The following PIK3R4 variants were observed in gnomAD, a reference collection of about 807,000 sequenced individuals.
PIK3R4 encodes phosphoinositide-3-kinase regulatory subunit 4.
Under a neutral mutation model 136.5 loss-of-function variants are expected in PIK3R4, and 46 were observed. That is an observed-to-expected ratio of 0.34 (90% CI 0.27 to 0.43). PIK3R4 has a LOEUF of 0.43. Ranked by LOEUF, PIK3R4 falls within the 20% of genes least tolerant of loss-of-function variation. The pLI is 1.00. For synonymous variants in PIK3R4, 557 were observed against 566.7 expected (o/e 0.98, Z 0.24); for missense variants, 1,331 against 1,649.5 (o/e 0.81, Z 3.35).
In PIK3R4 at chr3:130,744,964, T is replaced by C. The variant is rs200861706; in HGVS notation, c.255A>G (p.Leu85=). 9.4e-5 allele frequency: 152 copies of C among 1,614,224 alleles called. No individual in the cohort carries two copies. Among genetic ancestry groups the C allele is most frequent in the African/African-American group, 7.7e-4 (58 of 75,054 alleles). Residue 85 remains leucine (L), a synonymous_variant, in exon 2 of 20, where the codon CTA becomes CTG. Coordinates refer to ENST00000356763, the MANE Select transcript of PIK3R4 (RefSeq NM_014602.3). ...KIRLNSAQNC[L]PFQKASEKAS... is the part of the protein sequence containing the mutation. ...CTTTTTCTGATGCTTTCTGGAAAGG[T>C]AGACAATTCTGTGCAGAATTAAGCC... is the stretch of plus-strand genomic sequence containing the variant.
chr3:130,743,463 T>C (rs139228866), intron 2 of PIK3R4, among the ~76,000 whole-genome samples: 1 of 152,202 alleles, frequency 6.6e-6, no homozygotes, highest in East Asian at 1.9e-4. Flanking sequence ...CAAATACATG[T>C]TGTACATCTT....
chr3:130,719,816 G>C (rs1481386521), intron 7 of PIK3R4, among the ~76,000 whole-genome samples: 1 of 152,054 alleles, frequency 6.6e-6, no homozygotes, highest in Non-Finnish European at 1.5e-5. Context: ...TATATCACTT[G>C]CTTTGGCCAA....
chr3:130,697,189 C>T (rs1241639632), intron 13 of PIK3R4, among the ~76,000 whole-genome samples: 1 of 151,282 alleles, frequency 6.6e-6, no homozygotes, highest in African/African-American at 2.4e-5. Context: ...CCCACCTCAG[C>T]CTCCCGAGTA....
chr3:130,716,457 G>T lies in PIK3R4; in HGVS notation c.2270C>A (p.Pro757His). 1 of 1,614,142 alleles carries T rather than the reference G, an allele frequency of 6.2e-7. No homozygotes were observed. The highest frequency in any genetic ancestry group is 8.5e-7 in the Non-Finnish European group (1 of 1,180,006). The part of the protein sequence containing the change: ...MRQKKRNGSL[P>H]DCPPPEDPAI... Reference sequence around the variant, plus strand: ...AGGATCCTCTGGCGGAGGGCAGTCGGGAAGAGAACCATTTCGTTTCTTCTG... The same window carrying T: ...AGGATCCTCTGGCGGAGGGCAGTCGTGAAGAGAACCATTTCGTTTCTTCTG... The change falls in exon 9 of 20, where the codon CCC (proline) becomes CAC (histidine). Residue 757 changes from proline (P) to histidine (H), a missense_variant. Pro to His is a moderately conservative substitution (Grantham distance 77, BLOSUM62 -2). This residue lies in a region of PIK3R4 where 1,180 missense variants were observed against 1,407.0 expected (regional missense o/e 0.84). Transcript: ENST00000356763.
At chr3:130,718,280 C>T (rs2066677846) in intron 8 of PIK3R4, 109 bp downstream of exon 8, 4 of 909,216 alleles carry the variant, frequency 4.4e-6, no homozygotes. Flanking sequence ...CATGCTATAG[C>T]CCAATTTAAA....
At position 130,744,577 on chromosome 3, in the gene PIK3R4, A is replaced by G. The variant is rs2066842458; in HGVS notation, c.642T>C (p.Tyr214=). ...CAAGCGGAGTTGAAGGATCTCTCAT[A>G]TATTCTAACTCAGTGGCAAACATCC... is the stretch of plus-strand genomic sequence containing the variant. ...DGGMFATELE[Y]MRDPSTPLVD... Residue 214 remains tyrosine, a synonymous_variant, in exon 2 of 20, where the codon TAT becomes TAC. Coordinates refer to ENST00000356763, the MANE Select transcript of PIK3R4 (RefSeq NM_014602.3). 6.2e-7 allele frequency: 1 copy of G among 1,614,106 alleles called. No individual in the cohort carries two copies.
At chr3:130,741,415 T>C (rs1322832722) in intron 2 of PIK3R4, among the ~76,000 whole-genome samples, 1 of 152,232 alleles carries the variant, frequency 6.6e-6, no homozygotes, top group Non-Finnish European at 1.5e-5. Flanking sequence ...ACCATCTCTA[T>C]GGTATTTTGT....
chr3:130,744,337 C>A (rs2066841246), intron 2 of PIK3R4, 149 bp downstream of exon 2: 3 of 789,356 alleles, frequency 3.8e-6, no homozygotes, highest in Non-Finnish European at 6.1e-6. Flanking sequence ...ATATCCAATG[C>A]AGGAATGCTG....
chr3:130,714,730 A>G (rs189579849), intron 9 of PIK3R4, among the ~76,000 whole-genome samples: 2 of 152,006 alleles, frequency 1.3e-5, no homozygotes. Flanking sequence ...GTGTTTGCTG[A>G]GGATGATGGC....
rs768728563 is a variant in PIK3R4, at chr3:130,728,561, C to T, written c.1709G>A (p.Arg570His). 1 of 1,613,426 alleles carries T rather than the reference C, an allele frequency of 6.2e-7. No individual in the cohort carries two copies. The highest frequency in any genetic ancestry group is 1.7e-5 in the Admixed American group (1 of 59,972). Reference sequence around the variant, plus strand: ...CAACAAAACATCGTTGGCTTTCTGACGTCCAAAGAATACACACAGCCGTGT... The same window carrying T: ...CAACAAAACATCGTTGGCTTTCTGATGTCCAAAGAATACACACAGCCGTGT... Reference protein sequence around the residue: ...GITRLCVFFGRQKANDVLLSH... With the variant: ...GITRLCVFFGHQKANDVLLSH... Residue 570 changes from arginine to histidine, a missense_variant, in exon 6 of 20, where the codon CGT becomes CAT. Around this residue, in one of 2 missense-constraint regions of PIK3R4, gnomAD observed 1,180 missense variants for 1,407.0 expected, o/e 0.84. Coordinates refer to ENST00000356763, the MANE Select transcript of PIK3R4 (RefSeq NM_014602.3).
chr3:130,720,953 C>G (rs1232650683), intron 7 of PIK3R4, among the ~76,000 whole-genome samples: 7 of 152,092 alleles, frequency 4.6e-5, no homozygotes, highest in Non-Finnish European at 8.8e-5. Flanking sequence ...CAGAAGATAG[C>G]TTGAGCCAGG....
At chr3:130,694,398 A>G (rs944801996) in intron 13 of PIK3R4, among the ~76,000 whole-genome samples, 1 of 151,700 alleles carries the variant, frequency 6.6e-6, no homozygotes, top group Non-Finnish European at 1.5e-5. Flanking sequence ...TAAGTATTCC[A>G]CTGCATGAAC....
intron 13 of PIK3R4, among the ~76,000 whole-genome samples, chr3:130,692,592 A>G (rs2066525074): frequency 6.6e-6 from 1 of 151,170 alleles, no homozygotes; most frequent in Non-Finnish European, 1.5e-5. Flanking sequence ...TTGCTTATCC[A>G]TTCATCTGCT....
chr3:130,727,742 G>A (rs1432831661), intron 6 of PIK3R4, among the ~76,000 whole-genome samples: 2 of 152,112 alleles, frequency 1.3e-5, no homozygotes, highest in Non-Finnish European at 2.9e-5. Context: ...AGTACATTCA[G>A]GGAAAAGGGG....
chr3:130,687,883 A>AGAAGTACTAGTTCCTTTTATT (rs1325251501), intron 14 of PIK3R4, among the ~76,000 whole-genome samples: 5 of 152,198 alleles, frequency 3.3e-5, no homozygotes, highest in Admixed American at 1.3e-4. Context: ...AACCAGTTCT[A>AGAAGTACTAGTTCCTTTTATT]GAAGTACTAG....
intron 13 of PIK3R4, among the ~76,000 whole-genome samples, chr3:130,695,479 T>A (rs1374336636): frequency 2.0e-5 from 3 of 152,146 alleles, no homozygotes; most frequent in African/African-American, 7.2e-5. Flanking sequence ...CTGAGTAGTG[T>A]GATAAAATCT....
At position 130,736,040 on chromosome 3, in the gene PIK3R4, T is replaced by C. The variant is rs765953356; in HGVS notation, c.734-38A>G. ...AGGTATAATTCTGTTAGAAAAGAGA[T>C]AAAAAATATCATGCAATATAGATTG... On this transcript the variant is annotated intron_variant, in intron 2 of 19. Transcript: ENST00000356763. The C allele has an allele frequency of 2.6e-6, 4 of 1,534,356 alleles. No individual in the cohort carries two copies. The African/African-American group carries it at 5.5e-5, about 21-fold the overall frequency.
chr3:130,701,761 T>C (rs1462361317), intron 13 of PIK3R4, among the ~76,000 whole-genome samples: 2 of 152,070 alleles, frequency 1.3e-5, no homozygotes, highest in East Asian at 1.9e-4. Context: ...GCTATAAATA[T>C]TGAAATCCTG....
intron 17 of PIK3R4, 78 bp downstream of exon 17, chr3:130,681,413 T>C: frequency 3.2e-6 from 3 of 948,762 alleles, no homozygotes; most frequent in Non-Finnish European, 3.4e-6. Flanking sequence ...CAACAGATAC[T>C]AGGTTTGATT....
Sources: allele counts gnomAD v4.1 joint callset (sites outside exome capture counted in the v4.1 genomes callset), GRCh38; gene constraint gnomAD v4.1.1; regional missense constraint gnomAD v4.1.1; transcripts MANE v1.5; gene names NCBI Gene and HGNC (gene_info 2026-07-23, HGNC 2026-07-21).